Variants in UNC5C observed in about 807,000 individuals in gnomAD.
The protein encoded by UNC5C is unc-5 netrin receptor C.
In UNC5C, 47 loss-of-function variants were observed where a neutral mutation model predicts 99.8. That is an observed-to-expected ratio of 0.47 (90% CI 0.37 to 0.60). The LOEUF (loss-of-function observed/expected upper bound fraction) is 0.60. UNC5C is among the 20% of genes least tolerant of loss of function. The pLI, the probability that UNC5C is intolerant of heterozygous loss-of-function variation, is 0.00. For synonymous variants in UNC5C, 487 were observed against 452.2 expected (o/e 1.08, Z -0.98); for missense variants, 1,062 against 1,165.9 (o/e 0.91, Z 1.30).
At chr4:95,314,349 A>G (rs1293415955) in intron 2 of UNC5C, among the ~76,000 whole-genome samples, 1 of 152,166 alleles carries the variant, frequency 6.6e-6, no homozygotes, top group African/African-American at 2.4e-5. Context: ...CTTCTCCTTC[A>G]GCCAAGCCAC....
At chr4:95,519,525 A>T (rs1310853313) in intron 1 of UNC5C, among the ~76,000 whole-genome samples, 1 of 151,374 alleles carries the variant, frequency 6.6e-6, no homozygotes, top group African/African-American at 2.4e-5. Flanking sequence ...ATAAGCACAC[A>T]TTAGCACATT....
chr4:95,409,976 A>G (rs941592684), intron 1 of UNC5C, among the ~76,000 whole-genome samples: 1 of 152,088 alleles, frequency 6.6e-6, no homozygotes, highest in Admixed American at 6.6e-5. Context: ...TCCACACCCA[A>G]TCTCCCAGTG....
intron 1 of UNC5C, among the ~76,000 whole-genome samples, chr4:95,495,761 T>C (rs1721613654): frequency 6.6e-6 from 1 of 151,686 alleles, no homozygotes; most frequent in South Asian, 2.1e-4. Flanking sequence ...AGGCCAACTC[T>C]ATCATCCTCA....
At chr4:95,536,077 TATATA>T (rs1269041794) in intron 1 of UNC5C, among the ~76,000 whole-genome samples, 9 of 121,962 alleles carry the variant, frequency 7.4e-5, no homozygotes, top group East Asian at 2.4e-4. Context: ...TATATATATA[TATATA>T]TTTTTTTTTT....
In UNC5C at chr4:95,523,458, A is replaced by T. The variant is rs192119377; in HGVS notation, c.124+25276T>A. Among the ~76,000 whole-genome samples the T allele has an allele frequency of 1.7e-3, 260 of 152,324 alleles. No homozygotes were observed. In the Middle Eastern group the frequency reaches 0.02, roughly 12 times the overall value. On this transcript the variant is annotated intron_variant, in intron 1 of 15. Transcript: ENST00000453304. The stretch of plus-strand genomic sequence containing the variant: ...ACTGATCATCTCTGCACGTAGCAGA[A>T]ACGGGCACTAGGATAGATGAAAAGT...
At chr4:95,546,628 G>A (rs1723076606) in intron 1 of UNC5C, among the ~76,000 whole-genome samples, 1 of 152,200 alleles carries the variant, frequency 6.6e-6, no homozygotes, top group South Asian at 2.1e-4. Flanking sequence ...ACCCAACGGA[G>A]TACATTTTCT....
In UNC5C at chr4:95,185,092, A is replaced by G. The variant is rs1736777587; in HGVS notation, c.2241T>C (p.Asp747=). The G allele has an allele frequency of 1.9e-6, 3 of 1,613,936 alleles. No individual in the cohort carries two copies. The highest frequency in any genetic ancestry group is 2.7e-5 in the African/African-American group (2 of 75,016). Residue 747 remains aspartate (D), a synonymous_variant, in exon 13 of 16, where the codon GAT becomes GAC. Transcript: ENST00000453304. ...TGCTCTTCCAGAGGGAATGGGCGAT[A>G]TCGTGAATTGACAGGCGCAGGTTGT... The part of the protein sequence containing the change: ...STHNLRLSIH[D]IAHSLWKSKL...
chr4:95,352,217 G>C (rs1273889611), intron 1 of UNC5C, among the ~76,000 whole-genome samples: 1 of 152,098 alleles, frequency 6.6e-6, no homozygotes, highest in Non-Finnish European at 1.5e-5. Context: ...TCTGATTGCT[G>C]CCAGCCTCTA....
chr4:95,518,197 A>T lies in UNC5C; in HGVS notation c.124+30537T>A, dbSNP rs550464359. 1.5e-4 allele frequency among the ~76,000 whole-genome samples: 23 copies of T among 152,284 alleles called. 1 individual carries two copies. In the South Asian group the frequency reaches 4.8e-3, roughly 32 times the overall value. Reference sequence around the variant, plus strand: ...AGGCAATCTCCTTTATGTTTGGCCTATGTGTCACTGGGGATAGTGTCTGAA... The same window carrying T: ...AGGCAATCTCCTTTATGTTTGGCCTTTGTGTCACTGGGGATAGTGTCTGAA... On this transcript the variant is annotated intron_variant, in intron 1 of 15. Transcript: ENST00000453304.
intron 1 of UNC5C, among the ~76,000 whole-genome samples, chr4:95,340,967 A>C (rs1227897838): frequency 6.6e-6 from 1 of 152,144 alleles, no homozygotes; most frequent in Non-Finnish European, 1.5e-5. Context: ...TGCAAAAGAA[A>C]ATTTTTGCTT....
intron 1 of UNC5C, among the ~76,000 whole-genome samples, chr4:95,500,017 T>A (rs979794399): frequency 3.9e-5 from 6 of 152,064 alleles, no homozygotes; most frequent in Non-Finnish European, 1.5e-5. Flanking sequence ...ACCTTTAGTG[T>A]CTGACTCAAT....
chr4:95,356,226 A>AC (rs1553966180), intron 1 of UNC5C, among the ~76,000 whole-genome samples: 95 of 144,718 alleles, frequency 6.6e-4, no homozygotes, highest in South Asian at 1.6e-3. Context: ...AACAAAAAAA[A>AC]AACAGATTCC....
Position 95,414,216 on chromosome 4 carries a change from T to TC in UNC5C, c.125-78586dup, listed in dbSNP as rs112065562. On this transcript the variant is annotated intron_variant, in intron 1 of 15. Coordinates refer to ENST00000453304, the MANE Select transcript of UNC5C (RefSeq NM_003728.4). ...CCCTTTCCTTCCCCTTTTCCCCACCTCCCCCCCACAAAAAATAGGTCTGGT... is the reference window on the plus strand; with the variant it reads ...CCCTTTCCTTCCCCTTTTCCCCACCTCCCCCCCCACAAAAAATAGGTCTGGT... 8.8e-3 allele frequency among the ~76,000 whole-genome samples: 1,297 copies of TC among 146,888 alleles called. 16 individuals are homozygous for TC. The highest frequency in any genetic ancestry group is 0.029 in the African/African-American group (1,140 of 39,656).
intron 1 of UNC5C, among the ~76,000 whole-genome samples, chr4:95,371,401 A>G (rs1744743085): frequency 7.4e-6 from 1 of 135,608 alleles, no homozygotes; most frequent in Non-Finnish European, 1.6e-5. Context: ...ATAAGAAAGA[A>G]ATAAAAACAC....
At chr4:95,399,766 T>TTATA (rs1467010167) in intron 1 of UNC5C, among the ~76,000 whole-genome samples, 1 of 152,220 alleles carries the variant, frequency 6.6e-6, no homozygotes, top group Non-Finnish European at 1.5e-5. Flanking sequence ...TTATTCTCTT[T>TTATA]TATAGCACCA....
intron 1 of UNC5C, among the ~76,000 whole-genome samples, chr4:95,453,929 A>G (rs551761322): frequency 7.2e-4 from 109 of 152,246 alleles, no homozygotes; most frequent in African/African-American, 2.6e-3. Flanking sequence ...ACATATTTAA[A>G]ATTAAAACGA....
rs144293135 is a variant in UNC5C at position 95,525,106 on chromosome 4, G to A, written c.124+23628C>T. ...GAAACACTGCACACAGAGTTGATGG[G>A]ATACATTTGGAAGCTCAAATGCCAA... On this transcript the variant is annotated intron_variant, in intron 1 of 15. Transcript: ENST00000453304. Among the ~76,000 whole-genome samples the A allele has an allele frequency of 3.7e-3, 570 of 152,234 alleles. 3 individuals are homozygous for A. The highest frequency in any genetic ancestry group is 0.013 in the African/African-American group (542 of 41,540).
Position 95,220,109 on chromosome 4 carries a change from C to G in UNC5C, c.1176G>C (p.Ala392=). ...CAAACAAGGCCACAACTACAGAGAT[C>G]GCCAGGCAAACGATCACTGCTATCA... is the stretch of plus-strand genomic sequence containing the variant. ...GIVIAVIVCL[A]ISVVVALFVY... The change falls in exon 8 of 16, where the codon GCG becomes GCC. Residue 392 remains alanine (A), a synonymous_variant. Transcript: ENST00000453304. 6.2e-7 allele frequency: 1 copy of G among 1,614,092 alleles called. No individual in the cohort carries two copies. The highest frequency in any genetic ancestry group is 2.2e-5 in the East Asian group (1 of 44,878).
intron 14 of UNC5C, among the ~76,000 whole-genome samples, chr4:95,170,706 G>A (rs1736063119): frequency 6.6e-6 from 1 of 152,180 alleles, no homozygotes; most frequent in South Asian, 2.1e-4. Context: ...AGAGGAAAAT[G>A]TTCAAAAGGG....
Sources: gnomAD v4.1 joint callset for allele counts (sites outside exome capture counted in the v4.1 genomes callset) on GRCh38, gnomAD v4.1.1 for gene constraint, MANE v1.5 for transcripts, NCBI Gene and HGNC (gene_info 2026-07-23, HGNC 2026-07-21) for gene names.